LINC00632: variants seen among roughly 807,000 people sequenced by gnomAD.
The protein encoded by LINC00632 is long independently transcribed non-coding RNA 632.
At chrX:140,718,705 C>T (rs1036699027) in intron 2 of LINC00632, among the ~76,000 whole-genome samples, 1 of 111,776 alleles carries the variant, frequency 8.9e-6, no homozygotes, top group Non-Finnish European at 1.9e-5. Flanking sequence ...GCCACCGCGC[C>T]CAGCCTGACT....
intron 2 of LINC00632, among the ~76,000 whole-genome samples, chrX:140,724,542 TAC>T (rs751545058): frequency 1.9e-4 from 5 of 25,802 alleles, no homozygotes; most frequent in East Asian, 1.6e-3. Flanking sequence ...ACACATTCCA[TAC>T]ACACACACAC....
chrX:140,720,518 C>T (rs890019452), intron 2 of LINC00632, among the ~76,000 whole-genome samples: 10 of 111,825 alleles, frequency 8.9e-5, no homozygotes, highest in African/African-American at 3.2e-4. Flanking sequence ...AAAACACTTT[C>T]TTGCTCCATA....
chrX:140,729,926 G>T (rs1408990046), intron 2 of LINC00632, among the ~76,000 whole-genome samples: 2 of 100,419 alleles, frequency 2.0e-5, no homozygotes. Flanking sequence ...CACCAGGCTG[G>T]AGTGCAGTGG....
exon 5 of LINC00632, among the ~76,000 whole-genome samples, chrX:140,787,831 G>A (rs1249379642): frequency 9.0e-6 from 1 of 110,723 alleles, no homozygotes; most frequent in East Asian, 2.8e-4. Context: ...TTTCATAGAA[G>A]GAAAACTAAA....
At chrX:140,766,572 TTTATA>T (rs1327343498) in intron 3 of LINC00632, among the ~76,000 whole-genome samples, 1 of 112,279 alleles carries the variant, frequency 8.9e-6, no homozygotes, top group African/African-American at 3.2e-5. Context: ...GATTTGTGAA[TTTATA>T]TTACTCATTT....
chrX:140,778,738 A>G (rs1483642667), exon 5 of LINC00632, among the ~76,000 whole-genome samples: 2 of 111,881 alleles, frequency 1.8e-5, no homozygotes, highest in Non-Finnish European at 3.8e-5. Context: ...ATTGAATTGC[A>G]TCAACTAGGA....
At chrX:140,766,204 T>A (rs920116106) in intron 3 of LINC00632, among the ~76,000 whole-genome samples, 2 of 112,135 alleles carry the variant, frequency 1.8e-5, no homozygotes, top group African/African-American at 6.5e-5. Flanking sequence ...TGTTCCACGC[T>A]GTAGCCAGCA....
intron 3 of LINC00632, among the ~76,000 whole-genome samples, chrX:140,763,398 G>A (rs1311060464): frequency 3.7e-5 from 1 of 26,838 alleles, no homozygotes; most frequent in African/African-American, 1.8e-4. Flanking sequence ...GGGAGACTCT[G>A]TCTCAAAAAA....
intron 2 of LINC00632, among the ~76,000 whole-genome samples, chrX:140,727,552 C>T (rs755231990): frequency 9.8e-5 from 11 of 111,729 alleles, no homozygotes; most frequent in Non-Finnish European, 1.9e-4. Flanking sequence ...CTTGGCCTCC[C>T]AAAGTGCTGG....
chrX:140,748,483 A>G (rs1236358861), intron 3 of LINC00632, among the ~76,000 whole-genome samples: 1 of 111,021 alleles, frequency 9.0e-6, no homozygotes, highest in Non-Finnish European at 1.9e-5. Flanking sequence ...TCTTCCCTCA[A>G]CCTAATCAGT....
chrX:140,730,738 C>T (rs970434952), intron 2 of LINC00632, among the ~76,000 whole-genome samples: 1 of 111,491 alleles, frequency 9.0e-6, no homozygotes, highest in African/African-American at 3.3e-5. Context: ...CTAGAAAAAG[C>T]AGCATGATAG....
exon 5 of LINC00632, chrX:140,783,314 C>T: frequency 2.6e-6 from 1 of 383,393 alleles, no homozygotes. Flanking sequence ...TCCATGTCTT[C>T]CGGACAATCC....
intron 2 of LINC00632, among the ~76,000 whole-genome samples, chrX:140,733,245 C>T (rs182563146): frequency 2.4e-4 from 27 of 112,688 alleles, no homozygotes; most frequent in African/African-American, 7.1e-4. Context: ...CATGCGCTTT[C>T]GCGTGCACAG....
chrX:140,713,620 A>G (rs1219965615), intron 2 of LINC00632: 1 of 340,622 alleles, frequency 2.9e-6, no homozygotes, highest in Non-Finnish European at 5.9e-6. Flanking sequence ...TTACCCCCAC[A>G]GCACCTAGAC....
intron 3 of LINC00632, among the ~76,000 whole-genome samples, chrX:140,749,981 C>A (rs1234156363): frequency 9.0e-6 from 1 of 111,038 alleles, no homozygotes; most frequent in Non-Finnish European, 1.9e-5. Context: ...AGGTGTGAGA[C>A]ACCACGCCTG....
chrX:140,743,428 A>G (rs1218719366), intron 3 of LINC00632, among the ~76,000 whole-genome samples: 4 of 109,439 alleles, frequency 3.7e-5, no homozygotes, highest in Non-Finnish European at 5.7e-5. Flanking sequence ...CAGCTTCTGC[A>G]GTAAGAGAGT....
At chrX:140,759,774 A>G (rs1388403109) in intron 3 of LINC00632, among the ~76,000 whole-genome samples, 1 of 111,641 alleles carries the variant, frequency 9.0e-6, no homozygotes, top group Non-Finnish European at 1.9e-5. Flanking sequence ...AGACTCTGCT[A>G]GGTGACAGGA....
intron 3 of LINC00632, among the ~76,000 whole-genome samples, chrX:140,752,621 G>A (rs759467921): frequency 8.9e-6 from 1 of 111,858 alleles, no homozygotes; most frequent in South Asian, 3.8e-4. Context: ...CTTTTCTAGG[G>A]GAATGGAAAT....
intron 3 of LINC00632, among the ~76,000 whole-genome samples, chrX:140,753,936 C>T (rs1229671066): frequency 1.8e-5 from 2 of 109,742 alleles, no homozygotes; most frequent in Admixed American, 9.7e-5. Context: ...CCACCACGCC[C>T]GGCTAATTTT....
Sources: gnomAD v4.1 joint callset for allele counts (sites outside exome capture counted in the v4.1 genomes callset) on GRCh38, gnomAD v4.1.1 for gene constraint, MANE v1.5 for transcripts, NCBI Gene and HGNC (gene_info 2026-07-23, HGNC 2026-07-21) for gene names.